CCDC25: variants seen among roughly 807,000 people sequenced by gnomAD.
The protein encoded by CCDC25 is coiled-coil domain-containing protein 25.
A neutral mutation model predicts 35.3 loss-of-function variants in CCDC25; 16 were observed. The ratio of observed to expected loss-of-function variants is 0.45; its 90% CI spans 0.31 to 0.69. CCDC25 has a LOEUF of 0.69. Among genes scored for constraint, CCDC25 ranks in the 30% least tolerant of loss-of-function variants. CCDC25 has a pLI of 0.06. For synonymous variants in CCDC25, 79 were observed against 80.3 expected (o/e 0.98, Z 0.09); for missense variants, 179 against 250.7 (o/e 0.71, Z 1.93).
chr8:27,756,768 A>C lies in CCDC25; in HGVS notation c.119T>G (p.Phe40Cys). The change falls in exon 4 of 9, where the codon TTT (phenylalanine) becomes TGT (cysteine). Residue 40 changes from phenylalanine to cysteine, a missense_variant and splice_region_variant. Coordinates refer to ENST00000356537, the MANE Select transcript of CCDC25 (RefSeq NM_018246.3). Reference sequence around the variant, plus strand: ...AGCCGAAGAGAGTTTGTCCACATGAAACCTACAAAGAATGAAAACCACTTT... The same window carrying C: ...AGCCGAAGAGAGTTTGTCCACATGACACCTACAAAGAATGAAAACCACTTT... ...IKHGWPEDIWFHVDKLSSAHV... is the reference protein window; with the variant it reads ...IKHGWPEDIWCHVDKLSSAHV... The C allele has an allele frequency of 6.2e-7, 1 of 1,611,604 alleles. No individual in the cohort carries two copies. Among genetic ancestry groups the C allele is most frequent in the Non-Finnish European group, 8.5e-7 (1 of 1,177,744 alleles).
At chr8:27,745,700 C>T (rs1585347240) in intron 7 of CCDC25, among the ~76,000 whole-genome samples, 1 of 152,346 alleles carries the variant, frequency 6.6e-6, no homozygotes, top group Non-Finnish European at 1.5e-5. Context: ...CTGGATGTGC[C>T]AAGCAAAGAC....
chr8:27,737,390 C>T lies in CCDC25; in HGVS notation c.598-1145G>A, dbSNP rs1163259895. 6.6e-6 allele frequency among the ~76,000 whole-genome samples: 1 copy of T among 152,128 alleles called. No individual in the cohort carries two copies. Among genetic ancestry groups the T allele is most frequent in the Admixed American group, 6.6e-5 (1 of 15,262 alleles). On this transcript the variant is annotated intron_variant, in intron 8 of 8. Coordinates refer to ENST00000356537, the MANE Select transcript of CCDC25 (RefSeq NM_018246.3). This position sits in a 1 kb window ranked among gnomAD's most constrained non-coding sequence, Gnocchi z 4.6. ...AACTCAGTAAGACAGTCTGGGTTGT[C>T]ATCAACGAAAGTAAGCCATTCCCTA... is the stretch of plus-strand genomic sequence containing the variant.
intron 7 of CCDC25, among the ~76,000 whole-genome samples, chr8:27,741,823 G>A (rs779116891): frequency 3.3e-5 from 5 of 152,224 alleles, no homozygotes; most frequent in African/African-American, 4.8e-5. Context: ...GTATTTACCA[G>A]AGTATTTTAA....
intron 5 of CCDC25, among the ~76,000 whole-genome samples, chr8:27,751,069 G>A (rs1341060372): frequency 6.6e-6 from 1 of 152,182 alleles, no homozygotes; most frequent in Non-Finnish European, 1.5e-5. Context: ...GAAGAGGAGA[G>A]AAACAGTAAT....
At position 27,772,388 on chromosome 8, in the gene CCDC25, G is replaced by C. The variant is rs577493771; in HGVS notation, c.28+125C>G. On this transcript the variant is annotated intron_variant, in intron 1 of 8. Coordinates refer to ENST00000356537, the MANE Select transcript of CCDC25 (RefSeq NM_018246.3). ...GGATGTGCTGGGGGACCGAGAGGCCGCGGGAAGAGGCACTCGCATCCAGAA... is the reference window on the plus strand; with the variant it reads ...GGATGTGCTGGGGGACCGAGAGGCCCCGGGAAGAGGCACTCGCATCCAGAA... 7 of 906,070 alleles carry C rather than the reference G, an allele frequency of 7.7e-6. No individual in the cohort carries two copies. The Admixed American group carries it at 8.6e-5, about 11-fold the overall frequency. 56.1% of individuals were successfully genotyped at this position (906,070 alleles called of 1,614,324 possible). A position where few individuals can be genotyped will look rare whatever the true frequency, so the allele number is the denominator to read the frequency against.
Position 27,761,064 on chromosome 8 carries a change from G to A in CCDC25, c.116+1355C>T, listed in dbSNP as rs146688853. 9.4e-3 allele frequency among the ~76,000 whole-genome samples: 1,428 copies of A among 152,194 alleles called. 26 individuals carry two copies. Among genetic ancestry groups the A allele is most frequent in the African/African-American group, 0.032 (1,331 of 41,504 alleles). On this transcript the variant is annotated intron_variant, in intron 3 of 8. Coordinates refer to ENST00000356537, the MANE Select transcript of CCDC25 (RefSeq NM_018246.3). ...GAATCTCTTGAACTAGGGAGGCAGA[G>A]GTTACAGTGAGCCGAGATCGCACCA...
chr8:27,759,444 T>TAAAAATACAA (rs1804135601), intron 3 of CCDC25, among the ~76,000 whole-genome samples: 1 of 150,228 alleles, frequency 6.7e-6, no homozygotes, highest in Non-Finnish European at 1.5e-5. Flanking sequence ...CCATCACCAC[T>TAAAAATACAA]AAAAATACAA....
intron 7 of CCDC25, among the ~76,000 whole-genome samples, chr8:27,741,169 T>G (rs1803423005): frequency 6.6e-6 from 1 of 152,164 alleles, no homozygotes; most frequent in Admixed American, 6.5e-5. Flanking sequence ...CACAATGTGT[T>G]CCGCAAGAAG....
At chr8:27,753,523 C>T (rs1307135444) in intron 4 of CCDC25, among the ~76,000 whole-genome samples, 1 of 152,078 alleles carries the variant, frequency 6.6e-6, no homozygotes, top group Non-Finnish European at 1.5e-5. Context: ...CCAGCATGGG[C>T]AACACAGTGA....
chr8:27,771,353 T>C (rs191804764), intron 1 of CCDC25, among the ~76,000 whole-genome samples: 127 of 152,322 alleles, frequency 8.3e-4, no homozygotes, highest in Non-Finnish European at 1.3e-3. Context: ...TCTCAGAATG[T>C]ATTCTTGTCA....
In CCDC25 at chr8:27,737,970, G is replaced by A. The variant is rs1038385012; in HGVS notation, c.598-1725C>T. Among the ~76,000 whole-genome samples, 8 of 151,916 alleles carry A rather than the reference G, an allele frequency of 5.3e-5. No individual in the cohort carries two copies. Among genetic ancestry groups the A allele is most frequent in the African/African-American group, 1.5e-4 (6 of 41,346 alleles). ...ATATTAACAGCATTTGCAGTGACCT[G>A]GATGAGACTGGAGACTATTATTCTA... On this transcript the variant is annotated intron_variant, in intron 8 of 8. Transcript: ENST00000356537. This position sits in a 1 kb window ranked among gnomAD's most constrained non-coding sequence, Gnocchi z 4.6.
chr8:27,739,299 G>T (rs1443535698), intron 8 of CCDC25, among the ~76,000 whole-genome samples: 1 of 152,108 alleles, frequency 6.6e-6, no homozygotes, highest in African/African-American at 2.4e-5. Context: ...TCATAGAGAT[G>T]GGAATAAGAA....
intron 7 of CCDC25, among the ~76,000 whole-genome samples, chr8:27,741,969 T>C (rs1328850186): frequency 6.6e-6 from 1 of 152,192 alleles, no homozygotes; most frequent in Admixed American, 6.5e-5. Context: ...CCACAGCTTA[T>C]TGCGATACTC....
rs755803603 is a variant in CCDC25 at position 27,748,156 on chromosome 8, C to T, written c.472G>A (p.Glu158Lys). The change falls in exon 7 of 9, where the codon GAG becomes AAG. Residue 158 changes from glutamate to lysine, a missense_variant. By Grantham distance (56) the Glu-to-Lys change is moderately conservative. Coordinates refer to ENST00000356537, the MANE Select transcript of CCDC25 (RefSeq NM_018246.3). Reference protein sequence around the residue: ...KECRDREERNEKKAQIQEMKK... With the variant: ...KECRDREERNKKKAQIQEMKK... ...ATTTCCTGAATTTGGGCTTTTTTCT[C>T]ATTCCTCTCTTCACGATCTCTGCAT... 2 of 1,613,710 alleles carry T rather than the reference C, an allele frequency of 1.2e-6. No individual in the cohort carries two copies. Among genetic ancestry groups the T allele is most frequent in the Admixed American group, 3.3e-5 (2 of 59,980 alleles).
At chr8:27,749,006 C>G (rs1302227414) in intron 5 of CCDC25, among the ~76,000 whole-genome samples, 1 of 152,106 alleles carries the variant, frequency 6.6e-6, no homozygotes, top group African/African-American at 2.4e-5. Context: ...GGACTCTATC[C>G]GGGACTACCA....
chr8:27,746,239 T>A (rs1469595593), intron 7 of CCDC25, among the ~76,000 whole-genome samples: 1 of 152,202 alleles, frequency 6.6e-6, no homozygotes, highest in Non-Finnish European at 1.5e-5. Context: ...GGTTTGAGAA[T>A]CAGACTGAGA....
chr8:27,750,819 G>A (rs1803774473), intron 5 of CCDC25, among the ~76,000 whole-genome samples: 1 of 152,178 alleles, frequency 6.6e-6, no homozygotes, highest in Non-Finnish European at 1.5e-5. Context: ...ACCCAGAACA[G>A]GCTGATTCTA....
chr8:27,748,385 G>C, intron 6 of CCDC25, 106 bp from the exon 7 acceptor site: 8 of 1,321,102 alleles, frequency 6.1e-6, no homozygotes, highest in Non-Finnish European at 8.6e-6. Context: ...ATTCCCTTTA[G>C]AAAACATATA....
intron 5 of CCDC25, among the ~76,000 whole-genome samples, chr8:27,751,673 GT>G (rs1176315116): frequency 2.6e-5 from 4 of 152,126 alleles, no homozygotes; most frequent in African/African-American, 7.2e-5. Context: ...ATCTAGACCT[GT>G]GTTCTACACC....
Sources: gnomAD v4.1 joint callset for allele counts (sites outside exome capture counted in the v4.1 genomes callset) on GRCh38, gnomAD v4.1.1 for gene constraint, Gnocchi (gnomAD v3.1) non-coding constraint, MANE v1.5 for transcripts, NCBI Gene and HGNC (gene_info 2026-07-23, HGNC 2026-07-21) for gene names.